PCDHA7: variants seen among roughly 807,000 people sequenced by gnomAD.
PCDHA7 encodes protocadherin alpha-7.
Under a neutral mutation model 57.2 loss-of-function variants are expected in PCDHA7, and 37 were observed. The observed-to-expected ratio is 0.65, with a 90% CI of 0.50 to 0.85. The LOEUF (loss-of-function observed/expected upper bound fraction) is 0.85. PCDHA7 is among the 40% of genes least tolerant of loss of function. The pLI is 0.00. For missense variants in PCDHA7, 1,188 were observed against 1,241.8 expected (o/e 0.96, Z 0.65); for synonymous variants, 553 against 558.8 (o/e 0.99, Z 0.15).
intron 1 of PCDHA7, chr5:140,869,294 T>C: frequency 1.9e-6 from 3 of 1,613,634 alleles, no homozygotes; most frequent in Non-Finnish European, 1.7e-6. Flanking sequence ...CAGCGCCTGT[T>C]CCGGGTGGCG....
At chr5:140,939,104 T>G (rs2092317491) in intron 1 of PCDHA7, among the ~76,000 whole-genome samples, 1 of 152,160 alleles carries the variant, frequency 6.6e-6, no homozygotes, top group South Asian at 2.1e-4. Context: ...CAATAGAAAT[T>G]TATTTTTCAC....
At chr5:140,856,956 T>C (rs781976306) in intron 1 of PCDHA7, 1 of 1,593,360 alleles carries the variant, frequency 6.3e-7, no homozygotes, top group South Asian at 1.1e-5. Context: ...GAAATAAAAG[T>C]AAATGATGCT....
At position 140,935,795 on chromosome 5, in the gene PCDHA7, C is replaced by CTT. The variant is rs555560136; in HGVS notation, c.2356-43154_2356-43153insTT. ...GAGTTTTTTCACTTAAAAATATAAA[C>CTT]GAGATTATTTCATAGTAGTATAGTA... On this transcript the variant is annotated intron_variant, in intron 1 of 3. Coordinates refer to ENST00000525929, the MANE Select transcript of PCDHA7 (RefSeq NM_018910.3). 5.4e-3 allele frequency among the ~76,000 whole-genome samples: 824 copies of CTT among 151,876 alleles called. 3 individuals are homozygous for CTT. Among genetic ancestry groups the CTT allele is most frequent in the African/African-American group, 0.019 (793 of 41,436 alleles).
chr5:140,945,560 C>T (rs1321626108), intron 1 of PCDHA7, among the ~76,000 whole-genome samples: 3 of 151,960 alleles, frequency 2.0e-5, no homozygotes, highest in Non-Finnish European at 2.9e-5. Context: ...AAGCTGAAGA[C>T]ATCATACTAC....
At chr5:140,871,311 C>T (rs782501180) in intron 1 of PCDHA7, 9 of 1,613,922 alleles carry the variant, frequency 5.6e-6, no homozygotes, top group Non-Finnish European at 7.6e-6. Flanking sequence ...CGGGGAAGCC[C>T]ACGCTGGTGT....
At chr5:140,871,408 A>C (rs1053262394) in intron 1 of PCDHA7, 2 of 1,613,986 alleles carry the variant, frequency 1.2e-6, no homozygotes, top group African/African-American at 2.7e-5. Flanking sequence ...GACGGACCTC[A>C]TGGCCTTCAG....
chr5:140,870,623 T>C, intron 1 of PCDHA7: 1 of 1,613,108 alleles, frequency 6.2e-7, no homozygotes. Context: ...TCGAGCTACG[T>C]GTCGGTGCAC....
chr5:140,896,260 G>A (rs1304707341), intron 1 of PCDHA7, among the ~76,000 whole-genome samples: 1 of 152,230 alleles, frequency 6.6e-6, no homozygotes, highest in African/African-American at 2.4e-5. Context: ...TATGTACACA[G>A]TTATGGGATT....
intron 1 of PCDHA7, chr5:140,882,865 A>G (rs1554175879): frequency 6.2e-7 from 1 of 1,614,248 alleles, no homozygotes; most frequent in Non-Finnish European, 8.5e-7. Context: ...TGAGGAAAAC[A>G]CTGGACAGAG....
chr5:140,967,201 A>G (rs1554229306), intron 1 of PCDHA7: 7 of 1,613,620 alleles, frequency 4.3e-6, no homozygotes, highest in Non-Finnish European at 5.9e-6. Flanking sequence ...ACGACAACTC[A>G]CCGCGTTTCC....
intron 1 of PCDHA7, among the ~76,000 whole-genome samples, chr5:140,964,874 A>C (rs1443431100): frequency 6.6e-6 from 1 of 152,178 alleles, no homozygotes; most frequent in East Asian, 1.9e-4. Flanking sequence ...GACAAATAAG[A>C]AGCAGCAGTG....
chr5:140,842,242 T>A (rs1358378131), intron 1 of PCDHA7: 2 of 1,612,266 alleles, frequency 1.2e-6, no homozygotes, highest in Non-Finnish European at 1.7e-6. Flanking sequence ...TTCGGGGTAA[T>A]TTGGATTTTG....
chr5:140,928,698 G>A, intron 1 of PCDHA7: 1 of 1,614,148 alleles, frequency 6.2e-7, no homozygotes, highest in East Asian at 2.2e-5. Context: ...ACATCTCCCG[G>A]GCGTCTGACT....
rs2150249955 is a variant in PCDHA7 at position 140,835,998 on chromosome 5, G to T, written c.1615G>T (p.Asp539Tyr). 1.2e-6 allele frequency: 2 copies of T among 1,613,382 alleles called. No homozygotes were observed. Among genetic ancestry groups the T allele is most frequent in the Non-Finnish European group, 1.7e-6 (2 of 1,179,720 alleles). ...ELLQFQVSARDAGVPPLGSNV... is the reference protein window; with the variant it reads ...ELLQFQVSARYAGVPPLGSNV... ...GTTGCAGTTCCAGGTGAGCGCGCGC[G>T]ATGCGGGCGTGCCGCCTCTGGGCAG... The change falls in exon 1 of 4, where the codon GAT becomes TAT. Residue 539 changes from aspartate to tyrosine, a missense_variant. Asp to Tyr is a radical substitution (Grantham distance 160). Coordinates refer to ENST00000525929, the MANE Select transcript of PCDHA7 (RefSeq NM_018910.3).
At chr5:140,918,279 G>A (rs1554198513) in intron 1 of PCDHA7, among the ~76,000 whole-genome samples, 1 of 152,078 alleles carries the variant, frequency 6.6e-6, no homozygotes, top group African/African-American at 2.4e-5. Context: ...TCAGATGTAG[G>A]AGCTTTTTGG....
chr5:140,835,770 T>G lies in PCDHA7; in HGVS notation c.1387T>G (p.Phe463Val). The G allele has an allele frequency of 6.2e-7, 1 of 1,613,258 alleles. No homozygotes were observed. Among genetic ancestry groups the G allele is most frequent in the Non-Finnish European group, 8.5e-7 (1 of 1,179,768 alleles). The change falls in exon 1 of 4, where the codon TTC becomes GTC. Residue 463 changes from phenylalanine (F) to valine (V), a missense_variant. Phe to Val is a conservative substitution (Grantham distance 50). Transcript: ENST00000525929. The part of the protein sequence containing the change: ...PAFAQPEYTV[F>V]VKENNPPGCH... ...GTTCGCGCAGCCCGAGTATACGGTG[T>G]TCGTGAAGGAGAACAACCCGCCGGG...
At chr5:140,858,372 C>T in intron 1 of PCDHA7, 1 of 1,587,864 alleles carries the variant, frequency 6.3e-7, no homozygotes, top group Non-Finnish European at 8.6e-7. Flanking sequence ...CCCAGCCTTC[C>T]ACCATGCCCA....
At chr5:140,993,543 G>C (rs1263683239) in intron 3 of PCDHA7, among the ~76,000 whole-genome samples, 1 of 151,590 alleles carries the variant, frequency 6.6e-6, no homozygotes, top group Non-Finnish European at 1.5e-5. Context: ...GAGAGATAGA[G>C]AAGTGAAGTA....
At chr5:140,869,217 G>T in intron 1 of PCDHA7, 4 of 1,613,842 alleles carry the variant, frequency 2.5e-6, no homozygotes, top group South Asian at 2.2e-5. Flanking sequence ...TCTCGGAGGA[G>T]GCCAAACACG....
Sources: allele counts gnomAD v4.1 joint callset (sites outside exome capture counted in the v4.1 genomes callset), GRCh38; gene constraint gnomAD v4.1.1; transcripts MANE v1.5; gene names NCBI Gene and HGNC (gene_info 2026-07-23, HGNC 2026-07-21).